IGSF11: variants seen among roughly 807,000 people sequenced by gnomAD.
IGSF11 encodes immunoglobulin superfamily member 11.
A neutral mutation model predicts 41.0 loss-of-function variants in IGSF11; 22 were observed. That is an observed-to-expected ratio of 0.54 (90% confidence interval 0.38 to 0.77). The LOEUF is 0.77. Ranked by LOEUF, IGSF11 falls within the 30% of genes least tolerant of loss-of-function variation. The probability of loss-of-function intolerance (pLI) is 0.00; values close to 1 mark genes in which losing one functional copy is unlikely to be tolerated. For missense variants in IGSF11, 444 were observed against 530.8 expected (o/e 0.84, Z 1.61); for synonymous variants, 219 against 201.3 (o/e 1.09, Z -0.74).
At chr3:119,118,980 T>G (rs1331665647) in intron 1 of IGSF11, among the ~76,000 whole-genome samples, 1 of 152,208 alleles carries the variant, frequency 6.6e-6, no homozygotes, top group Non-Finnish European at 1.5e-5. Context: ...CAGCCTGGAT[T>G]TCATTGTCCA....
In IGSF11 at chr3:118,977,807, C is replaced by T. The variant is rs375848973; in HGVS notation, c.53-47532G>A. 9.0e-4 allele frequency among the ~76,000 whole-genome samples: 137 copies of T among 152,268 alleles called. 1 individual carries two copies. Among genetic ancestry groups the T allele is most frequent in the African/African-American group, 3.2e-3 (131 of 41,542 alleles). ...ACTGTTCCAGACCGGGAGCTCACATCGAGTCCCACAAACCCGAGTCCTAAG... is the reference window on the plus strand; with the variant it reads ...ACTGTTCCAGACCGGGAGCTCACATTGAGTCCCACAAACCCGAGTCCTAAG... On this transcript the variant is annotated intron_variant, in intron 1 of 6. Transcript: ENST00000393775.
At chr3:119,067,895 C>T (rs2107462241) in intron 1 of IGSF11, among the ~76,000 whole-genome samples, 1 of 152,268 alleles carries the variant, frequency 6.6e-6, no homozygotes, top group Admixed American at 6.5e-5. Flanking sequence ...TATCTGATAC[C>T]TTTAAAAACG....
At chr3:119,030,344 T>C (rs1214358301) in intron 1 of IGSF11, among the ~76,000 whole-genome samples, 2 of 152,216 alleles carry the variant, frequency 1.3e-5, no homozygotes, top group East Asian at 3.8e-4. Flanking sequence ...ATACTGTACC[T>C]ATATAATATC....
chr3:118,987,187 G>A (rs1385876952), intron 1 of IGSF11, among the ~76,000 whole-genome samples: 3 of 152,152 alleles, frequency 2.0e-5, no homozygotes, highest in Non-Finnish European at 4.4e-5. Context: ...ACTATAAAGA[G>A]GTACAAGGCT....
intron 1 of IGSF11, among the ~76,000 whole-genome samples, chr3:118,984,817 G>A (rs938691110): frequency 6.6e-6 from 1 of 152,156 alleles, no homozygotes; most frequent in Admixed American, 6.5e-5. Context: ...AGGGAGCAAG[G>A]TGAAGGTGTA....
At chr3:119,144,967 C>T (rs1027911951) in intron 1 of IGSF11, among the ~76,000 whole-genome samples, 43 of 152,170 alleles carry the variant, frequency 2.8e-4, no homozygotes, top group African/African-American at 1.0e-3. Flanking sequence ...TTACTCTAAA[C>T]ACAGTATCCA....
intron 1 of IGSF11, among the ~76,000 whole-genome samples, chr3:119,139,433 C>T (rs35112424): frequency 0.2 from 30,355 of 152,136 alleles, 3,313 homozygotes; most frequent in South Asian, 0.29. Context: ...AGGAGGTACC[C>T]GGTGGGAAAT....
At chr3:118,906,108 A>C (rs1939561543) in intron 4 of IGSF11, among the ~76,000 whole-genome samples, 1 of 152,258 alleles carries the variant, frequency 6.6e-6, no homozygotes. Flanking sequence ...TAATAACTTT[A>C]ACTTCATACC....
rs112692792 is a variant in IGSF11, at chr3:118,965,326, T to C, written c.53-35051A>G. On this transcript the variant is annotated intron_variant, in intron 1 of 6. Coordinates refer to ENST00000393775, the MANE Select transcript of IGSF11 (RefSeq NM_001015887.3). The stretch of plus-strand genomic sequence containing the variant: ...AGTGGGATGCCACTCCTTAGCTAAA[T>C]GTGTGAGCTATAAGGAGTATAAAAA... Among the ~76,000 whole-genome samples the C allele has an allele frequency of 5.0e-3, 758 of 152,128 alleles. 5 individuals are homozygous for C. Among genetic ancestry groups the C allele is most frequent in the African/African-American group, 0.017 (713 of 41,502 alleles).
chr3:118,928,659 C>T lies in IGSF11; in HGVS notation c.274G>A (p.Val92Ile), dbSNP rs776791198. ...FDGAPRFHGR[V>I]GFTGTMPATN... ...GCTGGCATGGTGCCTGTAAATCCTA[C>T]CCTACCGTGGAACCGGGGGGCACCA... is the stretch of plus-strand genomic sequence containing the variant. The change falls in exon 3 of 7, where the codon GTA (valine) becomes ATA (isoleucine). Residue 92 changes from valine (V) to isoleucine (I), a missense_variant. Transcript: ENST00000393775. The T allele has an allele frequency of 1.7e-5, 27 of 1,614,064 alleles. No individual in the cohort carries two copies. In the South Asian group the frequency reaches 2.9e-4, roughly 17 times the overall value.
At chr3:119,000,689 A>C (rs1936734080) in intron 1 of IGSF11, among the ~76,000 whole-genome samples, 1 of 152,148 alleles carries the variant, frequency 6.6e-6, no homozygotes, top group Non-Finnish European at 1.5e-5. Context: ...GTGTCCTCTT[A>C]ATCAGGATGA....
chr3:119,128,572 A>C (rs1188085463), intron 1 of IGSF11, among the ~76,000 whole-genome samples: 1 of 152,160 alleles, frequency 6.6e-6, no homozygotes, highest in Non-Finnish European at 1.5e-5. Context: ...CAAACAAATA[A>C]AAAGAAAAAA....
intron 4 of IGSF11, among the ~76,000 whole-genome samples, chr3:118,910,436 C>T (rs766859695): frequency 2.0e-5 from 3 of 152,238 alleles, no homozygotes; most frequent in African/African-American, 4.8e-5. Flanking sequence ...TTGAATCTTA[C>T]CCTCCCCCAC....
In IGSF11 at chr3:119,034,651, G is replaced by A. The variant is rs1940769078; in HGVS notation, c.-69C>T. ...GTCGCAACAGGAGAGGAGCGGGCGTGAGTCTCCGCGCTCTTGGGGCAGCCT... is the reference window on the plus strand; with the variant it reads ...GTCGCAACAGGAGAGGAGCGGGCGTAAGTCTCCGCGCTCTTGGGGCAGCCT... On this transcript the variant is annotated 5_prime_UTR_variant, in exon 1 of 7. Coordinates refer to ENST00000393775, the MANE Select transcript of IGSF11 (RefSeq NM_001015887.3). 22 of 1,489,420 alleles carry A rather than the reference G, an allele frequency of 1.5e-5. No individual in the cohort carries two copies. Among genetic ancestry groups the A allele is most frequent in the Non-Finnish European group, 2.0e-5 (22 of 1,114,780 alleles). 92.3% of individuals were successfully genotyped at this position (1,489,420 alleles called of 1,614,324 possible).
intron 1 of IGSF11, among the ~76,000 whole-genome samples, chr3:119,124,096 T>G (rs1055663093): frequency 6.6e-6 from 1 of 151,992 alleles, no homozygotes; most frequent in African/African-American, 2.4e-5. Context: ...GTTGAGGAAA[T>G]TCAAAGAAAT....
intron 1 of IGSF11, among the ~76,000 whole-genome samples, chr3:119,024,702 T>G (rs1939648559): frequency 6.6e-6 from 1 of 152,148 alleles, no homozygotes; most frequent in South Asian, 2.1e-4. Context: ...GCTTGTCCCT[T>G]TTAATCAATA....
rs116823737 is a variant in IGSF11, at chr3:118,933,964, T to C, written c.53-3689A>G. Among the ~76,000 whole-genome samples the C allele has an allele frequency of 9.3e-3, 1,422 of 152,140 alleles. 32 individuals are homozygous for C. The highest frequency in any genetic ancestry group is 0.033 in the African/African-American group (1,354 of 41,508). On this transcript the variant is annotated intron_variant, in intron 1 of 6. Transcript: ENST00000393775. The stretch of plus-strand genomic sequence containing the variant: ...CTTGGCCCCCTTAGTGACCTTATCA[T>C]AGACTTCCCCCTCCCATAACTTCAA...
intron 1 of IGSF11, among the ~76,000 whole-genome samples, chr3:119,000,443 T>C (rs1203200626): frequency 6.6e-6 from 1 of 151,728 alleles, no homozygotes; most frequent in Admixed American, 6.6e-5. Context: ...CTGGGACTTC[T>C]GCAAAGTCTA....
At chr3:118,948,957 G>A (rs1434329863) in intron 1 of IGSF11, among the ~76,000 whole-genome samples, 2 of 142,872 alleles carry the variant, frequency 1.4e-5, no homozygotes, top group Non-Finnish European at 3.0e-5. Flanking sequence ...GGGCGACAGA[G>A]CGAGACTCCG....
Sources: allele counts gnomAD v4.1 joint callset (sites outside exome capture counted in the v4.1 genomes callset), GRCh38; gene constraint gnomAD v4.1.1; transcripts MANE v1.5; gene names NCBI Gene and HGNC (gene_info 2026-07-23, HGNC 2026-07-21).